The following EML4 variants were observed in gnomAD, a reference collection of about 807,000 sequenced individuals.
EML4 encodes the protein echinoderm microtubule-associated protein-like 4.
In EML4, 72 loss-of-function variants were observed where a neutral mutation model predicts 129.0. The ratio of observed to expected loss-of-function variants is 0.56; its 90% CI spans 0.46 to 0.68. The LOEUF (loss-of-function observed/expected upper bound fraction) is 0.68. EML4 is among the 30% of genes least tolerant of loss of function. The probability of loss-of-function intolerance (pLI) is 0.00; values close to 1 mark genes in which losing one functional copy is unlikely to be tolerated. For synonymous variants in EML4, 532 were observed against 405.0 expected, an observed-to-expected ratio of 1.31 and a Z score of -3.77; for missense variants, 1,363 against 1,190.6, an observed-to-expected ratio of 1.14 and a Z score of -2.13.
At chr2:42,313,579 T>C (rs969694705) in intron 17 of EML4, among the ~76,000 whole-genome samples, 7 of 152,140 alleles carry the variant, frequency 4.6e-5, no homozygotes, top group African/African-American at 1.7e-4. Flanking sequence ...TTTCTTTTAA[T>C]TTAAGAGGGA....
Position 42,317,481 on chromosome 2 carries a change from T to C in EML4, c.2111T>C (p.Val704Ala). 1 of 1,612,782 alleles carries C rather than the reference T, an allele frequency of 6.2e-7. No homozygotes were observed. Among genetic ancestry groups the C allele is most frequent in the Non-Finnish European group, 8.5e-7 (1 of 1,179,224 alleles). Residue 704 changes from valine to alanine, a missense_variant, in exon 19 of 23, where the codon GTC becomes GCC. Val to Ala is a moderately conservative substitution (Grantham distance 64). Transcript: ENST00000318522. ...SHDNFIYLYV[V>A]SENGRKYSRY... is the part of the protein sequence containing the mutation. ...GACAACTTTATTTACCTCTATGTAG[T>C]CTCTGAAAATGGAAGAAAATATAGC... is the stretch of plus-strand genomic sequence containing the variant.
chr2:42,230,644 G>A (rs754466966), intron 1 of EML4, among the ~76,000 whole-genome samples: 7 of 152,068 alleles, frequency 4.6e-5, no homozygotes, highest in African/African-American at 7.2e-5. Flanking sequence ...GACCTCAGGC[G>A]ATCCCTCCAC....
At chr2:42,265,653 T>TA (rs1249088398) in intron 6 of EML4, among the ~76,000 whole-genome samples, 2 of 144,496 alleles carry the variant, frequency 1.4e-5, no homozygotes, top group African/African-American at 5.3e-5. Context: ...TTTTCTCCCT[T>TA]AAAAAAAAGT....
chr2:42,304,130 C>T (rs913377746), intron 16 of EML4, among the ~76,000 whole-genome samples: 1 of 152,162 alleles, frequency 6.6e-6, no homozygotes, highest in African/African-American at 2.4e-5. Context: ...TGGTCTCTTA[C>T]TGTATTTTCT....
At chr2:42,262,989 TATA>T (rs1056374138) in intron 4 of EML4, among the ~76,000 whole-genome samples, 186 bp from the exon 5 acceptor site, 39 of 152,346 alleles carry the variant, frequency 2.6e-4, no homozygotes, top group African/African-American at 9.4e-4. Context: ...TACAGAAAAT[TATA>T]ATACAGATTT....
At chr2:42,232,869 C>T (rs906968118) in intron 1 of EML4, among the ~76,000 whole-genome samples, 2 of 151,742 alleles carry the variant, frequency 1.3e-5, no homozygotes, top group Non-Finnish European at 1.5e-5. Flanking sequence ...GGACTACAGG[C>T]GCCCGCCACA....
intron 3 of EML4, among the ~76,000 whole-genome samples, 169 bp downstream of exon 3, chr2:42,256,799 T>G (rs764604593): frequency 4.6e-5 from 7 of 152,242 alleles, no homozygotes; most frequent in Non-Finnish European, 8.8e-5. Flanking sequence ...TCACTCAGCT[T>G]GCACTCATCA....
intron 1 of EML4, among the ~76,000 whole-genome samples, chr2:42,230,832 A>G (rs1553371494): frequency 6.6e-6 from 1 of 152,200 alleles, no homozygotes; most frequent in Non-Finnish European, 1.5e-5. Context: ...AGATAAAAGT[A>G]TCTCTTCTCA....
rs866569829 is a variant in EML4 at position 42,326,207 on chromosome 2, A to G, written c.2296A>G (p.Ile766Val). 1.9e-6 allele frequency: 3 copies of G among 1,613,786 alleles called. No homozygotes were observed. The highest frequency in any genetic ancestry group is 1.1e-5 in the South Asian group (1 of 91,068). The stretch of plus-strand genomic sequence containing the variant: ...CAGGAATCGATCGGATTGTAAGGAC[A>G]TTGATTGGACGACATATACCTGTGT... ...LIRNRSDCKD[I>V]DWTTYTCVLG... is the part of the protein sequence containing the mutation. The change falls in exon 21 of 23, where the codon ATT (isoleucine) becomes GTT (valine). Residue 766 changes from isoleucine (I) to valine (V), a missense_variant. By Grantham distance (29) the Ile-to-Val change is conservative. Transcript: ENST00000318522.
At chr2:42,181,093 GA>G (rs1471192324) in intron 1 of EML4, among the ~76,000 whole-genome samples, 1 of 152,154 alleles carries the variant, frequency 6.6e-6, no homozygotes, top group African/African-American at 2.4e-5. Flanking sequence ...TGTCCATTCT[GA>G]TCACTTGGTG....
At chr2:42,263,136 G>C in intron 4 of EML4, 42 bp from the exon 5 acceptor site, 1 of 1,553,858 alleles carries the variant, frequency 6.4e-7, no homozygotes. Flanking sequence ...ACATGTCTTT[G>C]ATACTCAGAA....
intron 21 of EML4, among the ~76,000 whole-genome samples, chr2:42,327,286 T>C (rs908478753): frequency 2.6e-5 from 4 of 152,260 alleles, no homozygotes; most frequent in South Asian, 2.1e-4. Flanking sequence ...TCAGCTATTA[T>C]GAATACCACT....
Position 42,286,364 on chromosome 2 carries a change from G to A in EML4, c.1107G>A (p.Leu369=). 1.2e-6 allele frequency: 2 copies of A among 1,608,974 alleles called. No homozygotes were observed. Among genetic ancestry groups the A allele is most frequent in the Non-Finnish European group, 1.7e-6 (2 of 1,175,506 alleles). The change falls in exon 10 of 23, where the codon CTG becomes CTA. Residue 369 remains leucine, a synonymous_variant. Transcript: ENST00000318522. ...CTTTTGAGCGTGGAGTAGGATGCCT[G>A]GATTTTTCAAAAGCAGTAAGTAACA... The part of the protein sequence containing the change: ...LGTFERGVGC[L]DFSKADSGVH...
chr2:42,239,691 CA>C lies in EML4; in HGVS notation c.26-5813del, dbSNP rs1674892826. On this transcript the variant is annotated intron_variant, in intron 1 of 22. Coordinates refer to ENST00000318522, the MANE Select transcript of EML4 (RefSeq NM_019063.5). Reference sequence around the variant, plus strand: ...AGAAGGGGCAACAATTTTTAAAAACCAGGGGGCAATTAGAAAAAATGTTTAA... The same window carrying C: ...AGAAGGGGCAACAATTTTTAAAAACCGGGGGCAATTAGAAAAAATGTTTAA... 4.9e-5 allele frequency among the ~76,000 whole-genome samples: 7 copies of C among 141,434 alleles called. No individual in the cohort carries two copies. The South Asian group carries it at 1.5e-3, about 31-fold the overall frequency. The allele number at this position is 141,434 out of a possible 152,430, so 92.8% of individuals were successfully genotyped here. A position where few individuals can be genotyped will look rare whatever the true frequency, so the allele number is the denominator to read the frequency against.
chr2:42,200,036 G>A (rs546538655), intron 1 of EML4, among the ~76,000 whole-genome samples: 13 of 152,098 alleles, frequency 8.5e-5, no homozygotes, highest in East Asian at 7.7e-4. Flanking sequence ...CCGGCCAGGC[G>A]CGGTGGCTGA....
rs1428138287 is a variant in EML4 at position 42,332,525 on chromosome 2, A to AATC, written c.*2320_*2322dup. The AATC allele has an allele frequency of 5.5e-6, 1 of 182,788 alleles. No homozygotes were observed. Among genetic ancestry groups the AATC allele is most frequent in the African/African-American group, 2.4e-5 (1 of 42,466 alleles). The allele number at this position is 182,788 out of a possible 1,614,324, so 11.3% of individuals were successfully genotyped here. ...AATTTTGAAGATTAAAAAATAAAAT[A>AATC]ATCAAAATGTTTCCTCTTTCTAAGT... On this transcript the variant is annotated 3_prime_UTR_variant, in exon 23 of 23. Coordinates refer to ENST00000318522, the MANE Select transcript of EML4 (RefSeq NM_019063.5).
At chr2:42,264,862 C>A in intron 6 of EML4, 131 bp downstream of exon 6, 1 of 1,515,586 alleles carries the variant, frequency 6.6e-7, no homozygotes, top group Non-Finnish European at 9.0e-7. Flanking sequence ...TTACTGTAGT[C>A]ATTTAGGAAA....
At chr2:42,238,329 T>G (rs1572604492) in intron 1 of EML4, among the ~76,000 whole-genome samples, 1 of 152,190 alleles carries the variant, frequency 6.6e-6, no homozygotes, top group African/African-American at 2.4e-5. Context: ...TTCAAAAAGC[T>G]TAGTTATTCA....
intron 19 of EML4, among the ~76,000 whole-genome samples, chr2:42,322,314 A>G (rs1379531557): frequency 6.6e-6 from 1 of 152,224 alleles, no homozygotes; most frequent in Non-Finnish European, 1.5e-5. Flanking sequence ...TTACTTAGAA[A>G]CCACAGGGGA....
Sources: gnomAD v4.1 joint callset for allele counts (sites outside exome capture counted in the v4.1 genomes callset) on GRCh38, gnomAD v4.1.1 for gene constraint, MANE v1.5 for transcripts, NCBI Gene and HGNC (gene_info 2026-07-23, HGNC 2026-07-21) for gene names.